Variants in ZSWIM2 observed in about 807,000 individuals in gnomAD.
The protein encoded by ZSWIM2 is E3 ubiquitin-protein ligase ZSWIM2.
Under a neutral mutation model 48.4 loss-of-function variants are expected in ZSWIM2, and 38 were observed. The observed-to-expected ratio is 0.79, with a 90% confidence interval of 0.61 to 1.03. ZSWIM2 has a LOEUF of 1.03. Ranked by LOEUF, ZSWIM2 falls within the 50% of genes least tolerant of loss-of-function variation. ZSWIM2 has a pLI of 0.00. For synonymous variants in ZSWIM2, 240 were observed against 251.3 expected (o/e 0.96, Z 0.42); for missense variants, 776 against 730.2 (o/e 1.06, Z -0.72).
At position 186,846,808 on chromosome 2, in the gene ZSWIM2, C is replaced by CATATATATATATAT. The variant is rs1264213432; in HGVS notation, c.242+910_242+911insATATATATATATAT. ...AAACATATATATATACACACACACA[C>CATATATATATATAT]ACATATATATATATATATAATGTAA... On this transcript the variant is annotated intron_variant, in intron 2 of 8. Coordinates refer to ENST00000295131, the MANE Select transcript of ZSWIM2 (RefSeq NM_182521.3). 7.9e-3 allele frequency among the ~76,000 whole-genome samples: 396 copies of CATATATATATATAT among 50,254 alleles called. 1 individual carries two copies. Among genetic ancestry groups the CATATATATATATAT allele is most frequent in the African/African-American group, 0.019 (358 of 18,632 alleles). The allele number at this position is 50,254 out of a possible 152,430, so 33.0% of individuals were successfully genotyped here.
At chr2:186,843,200 A>G (rs1038769318) in intron 3 of ZSWIM2, among the ~76,000 whole-genome samples, 4 of 151,654 alleles carry the variant, frequency 2.6e-5, no homozygotes, top group Admixed American at 2.0e-4. Flanking sequence ...TGAAAATGAT[A>G]TGGAAGAATA....
intron 1 of ZSWIM2, among the ~76,000 whole-genome samples, chr2:186,848,228 C>T (rs956845840): frequency 2.6e-5 from 4 of 152,104 alleles, no homozygotes; most frequent in African/African-American, 9.7e-5. Flanking sequence ...TTCACCAAGA[C>T]TAGTTTGGCT....
intron 2 of ZSWIM2, among the ~76,000 whole-genome samples, chr2:186,847,517 T>C (rs1207534283): frequency 6.6e-6 from 1 of 152,144 alleles, no homozygotes; most frequent in Non-Finnish European, 1.5e-5. Context: ...TATAAAATGG[T>C]TCTCAATTTA....
rs1448526285 is a variant in ZSWIM2, at chr2:186,828,271, T to C, written c.1615A>G (p.Thr539Ala). The C allele has an allele frequency of 1.9e-6, 3 of 1,613,720 alleles. No homozygotes were observed. The highest frequency in any genetic ancestry group is 2.2e-5 in the East Asian group (1 of 44,850). ...CCTTTGGTCATCCGGCTTAGACTAG[T>C]GTGAAATTTTCCACTGATGCATGGA... ...ESPCISGKFHTSLSRMTKGCK... is the reference protein window; with the variant it reads ...ESPCISGKFHASLSRMTKGCK... The change falls in exon 9 of 9, where the codon ACT (threonine) becomes GCT (alanine). Residue 539 changes from threonine to alanine, a missense_variant. Transcript: ENST00000295131.
rs1691666698 is a variant in ZSWIM2, at chr2:186,829,829, A to ACT, written c.992_993insAG (p.Thr332ValfsTer18). 2 of 1,613,678 alleles carry ACT rather than the reference A, an allele frequency of 1.2e-6. No homozygotes were observed. ...GAGCAAGCAGCTTACTATTCTTAGT[A>ACT]ATCAGTTGGAGAGGCAGTGATCTTA... On this transcript the variant is annotated frameshift_variant, in exon 8 of 9. Coordinates refer to ENST00000295131, the MANE Select transcript of ZSWIM2 (RefSeq NM_182521.3). LOFTEE classifies it high-confidence loss of function.
chr2:186,842,302 C>T (rs1022507226), intron 3 of ZSWIM2, among the ~76,000 whole-genome samples: 1 of 151,128 alleles, frequency 6.6e-6, no homozygotes, highest in Non-Finnish European at 1.5e-5. Context: ...AATTTAAGAT[C>T]GCTAAGACTT....
At chr2:186,839,682 C>T (rs562883844) in intron 3 of ZSWIM2, among the ~76,000 whole-genome samples, 5 of 151,720 alleles carry the variant, frequency 3.3e-5, no homozygotes, top group East Asian at 1.9e-4. Flanking sequence ...CCTACAAAAG[C>T]GTGTCTCATT....
Position 186,828,582 on chromosome 2 carries a change from T to G in ZSWIM2, c.1304A>C (p.Gln435Pro), listed in dbSNP as rs779673860. 1.2e-6 allele frequency: 2 copies of G among 1,613,048 alleles called. No individual in the cohort carries two copies. The highest frequency in any genetic ancestry group is 1.7e-6 in the Non-Finnish European group (2 of 1,179,370). ...FIPGTGLVLKQNRLGILPSIP... is the reference protein window; with the variant it reads ...FIPGTGLVLKPNRLGILPSIP... ...GCTAGGTAAAATTCCAAGTCTATTT[T>G]GTTTTAAGACTAATCCAGTACCAGG... The change falls in exon 9 of 9, where the codon CAA becomes CCA. Residue 435 changes from glutamine (Q) to proline (P), a missense_variant. Physicochemically the swap from Gln to Pro is moderately conservative, Grantham distance 76 (BLOSUM62 -1). Transcript: ENST00000295131.
intron 3 of ZSWIM2, among the ~76,000 whole-genome samples, chr2:186,842,299 G>A (rs1691917133): frequency 6.6e-6 from 1 of 151,128 alleles, no homozygotes; most frequent in South Asian, 2.1e-4. Flanking sequence ...ATAAATTTAA[G>A]ATCGCTAAGA....
chr2:186,849,166 T>C lies in ZSWIM2; in HGVS notation c.-36A>G, dbSNP rs757522603. 1.7e-5 allele frequency: 27 copies of C among 1,569,312 alleles called. No homozygotes were observed. The South Asian group carries it at 2.9e-4, about 17-fold the overall frequency. Reference sequence around the variant, plus strand: ...GGCGGAGGCGGCCCCTCTGCTCGGCTCACTGAGGCGCCAGCCGGTCTCCAA... The same window carrying C: ...GGCGGAGGCGGCCCCTCTGCTCGGCCCACTGAGGCGCCAGCCGGTCTCCAA... On this transcript the variant is annotated 5_prime_UTR_variant, in exon 1 of 9. Transcript: ENST00000295131.
intron 8 of ZSWIM2, among the ~76,000 whole-genome samples, chr2:186,829,320 GTAT>G (rs1691657366): frequency 6.6e-6 from 1 of 152,136 alleles, no homozygotes; most frequent in South Asian, 2.1e-4. Context: ...TGATCAAGTA[GTAT>G]TATGCTGATT....
At chr2:186,830,993 T>C (rs747293937) in intron 7 of ZSWIM2, among the ~76,000 whole-genome samples, 30 of 152,258 alleles carry the variant, frequency 2.0e-4, no homozygotes, top group Non-Finnish European at 3.2e-4. Flanking sequence ...GTCCTCTAAT[T>C]TCAATTAAAA....
intron 2 of ZSWIM2, among the ~76,000 whole-genome samples, 156 bp downstream of exon 2, chr2:186,847,563 G>A (rs1447638272): frequency 6.6e-6 from 1 of 152,058 alleles, no homozygotes; most frequent in East Asian, 1.9e-4. Flanking sequence ...ATGAAATACT[G>A]AAAAATTTAT....
chr2:186,841,990 A>G (rs1691911942), intron 3 of ZSWIM2, among the ~76,000 whole-genome samples: 2 of 151,278 alleles, frequency 1.3e-5, no homozygotes, highest in Non-Finnish European at 3.0e-5. Flanking sequence ...ATGTTTGTGA[A>G]TAAAAGAATG....
In ZSWIM2 at chr2:186,828,532, A is replaced by T; in HGVS notation, c.1354T>A (p.Leu452Met). 4 of 1,613,468 alleles carry T rather than the reference A, an allele frequency of 2.5e-6. No homozygotes were observed. Among genetic ancestry groups the T allele is most frequent in the Non-Finnish European group, 3.4e-6 (4 of 1,179,648 alleles). ...PSIPQCNFDELNTPQSPKDAY... is the reference protein window; with the variant it reads ...PSIPQCNFDEMNTPQSPKDAY... ...TCTTTTGGGCTTTGAGGTGTATTCA[A>T]TTCATCAAAATTACACTGAGGTATG... is the stretch of plus-strand genomic sequence containing the variant. The change falls in exon 9 of 9, where the codon TTG becomes ATG. Residue 452 changes from leucine to methionine, a missense_variant. Physicochemically the swap from Leu to Met is conservative, Grantham distance 15 (BLOSUM62 2). Coordinates refer to ENST00000295131, the MANE Select transcript of ZSWIM2 (RefSeq NM_182521.3).
At chr2:186,837,257 TA>T (rs200512970) in intron 5 of ZSWIM2, 48 bp downstream of exon 5, 1 of 1,595,168 alleles carries the variant, frequency 6.3e-7, no homozygotes, top group Non-Finnish European at 8.6e-7. Flanking sequence ...TTTCCTGATG[TA>T]AAAAAATAAA....
intron 3 of ZSWIM2, among the ~76,000 whole-genome samples, chr2:186,840,189 CTATT>C (rs764686274): frequency 2.6e-5 from 4 of 151,432 alleles, no homozygotes; most frequent in Non-Finnish European, 5.9e-5. Flanking sequence ...GGAAGAAGGG[CTATT>C]TGTCACAAAG....
intron 6 of ZSWIM2, 81 bp from the exon 7 acceptor site, chr2:186,833,313 T>G: frequency 1.6e-6 from 1 of 619,504 alleles, no homozygotes; most frequent in Non-Finnish European, 2.8e-6. Context: ...TGGTTGCGTA[T>G]CAATAATGTG....
chr2:186,831,255 C>A (rs983318272), intron 7 of ZSWIM2, among the ~76,000 whole-genome samples: 1 of 152,030 alleles, frequency 6.6e-6, no homozygotes, highest in Non-Finnish European at 1.5e-5. Context: ...TTACGCCCCA[C>A]AAGAGCTCTG....
Sources: allele counts gnomAD v4.1 joint callset (sites outside exome capture counted in the v4.1 genomes callset), GRCh38; gene constraint gnomAD v4.1.1; transcripts MANE v1.5; gene names NCBI Gene and HGNC (gene_info 2026-07-23, HGNC 2026-07-21).